The following SNTG1 variants were observed in gnomAD, a reference collection of about 807,000 sequenced individuals.
SNTG1 encodes syntrophin gamma 1.
SNTG1 carries 39 observed loss-of-function variants against 74.7 expected under a neutral mutation model. The observed-to-expected ratio is 0.52, with a 90% CI of 0.40 to 0.68. SNTG1 has a LOEUF of 0.68. Ranked by LOEUF, SNTG1 falls within the 30% of genes least tolerant of loss-of-function variation. The pLI is 0.00. For synonymous variants in SNTG1, 254 were observed against 217.1 expected (o/e 1.17, Z -1.49); for missense variants, 685 against 609.5 (o/e 1.12, Z -1.30).
chr8:50,111,563 G>A (rs1056849375), intron 1 of SNTG1, among the ~76,000 whole-genome samples: 2 of 152,086 alleles, frequency 1.3e-5, no homozygotes, highest in African/African-American at 4.8e-5. Flanking sequence ...CCAGAAATAT[G>A]AGAAAATAAG....
At chr8:50,484,841 A>C (rs545711778) in intron 8 of SNTG1, among the ~76,000 whole-genome samples, 8 of 151,854 alleles carry the variant, frequency 5.3e-5, no homozygotes, top group African/African-American at 1.9e-4. Flanking sequence ...CCTGGGCAAC[A>C]AGAGAGAGAC....
Position 50,074,889 on chromosome 8 carries a change from C to T in SNTG1, c.-102-97672C>T, listed in dbSNP as rs6991342. 1.9e-3 allele frequency among the ~76,000 whole-genome samples: 293 copies of T among 152,264 alleles called. 3 individuals are homozygous for T. The highest frequency in any genetic ancestry group is 6.7e-3 in the African/African-American group (279 of 41,580). On this transcript the variant is annotated intron_variant, in intron 1 of 18. Coordinates refer to ENST00000642720, the MANE Select transcript of SNTG1 (RefSeq NM_018967.5). The stretch of plus-strand genomic sequence containing the variant: ...GGTACCTGAGGGAACCGGGGCTGTG[C>T]CCCGGCCGCACTCGCGGCGCACGCG...
chr8:49,945,378 C>A (rs747596494), intron 1 of SNTG1, among the ~76,000 whole-genome samples: 1 of 152,118 alleles, frequency 6.6e-6, no homozygotes, highest in Non-Finnish European at 1.5e-5. Context: ...GATACAAATG[C>A]TTTATTTTTA....
intron 12 of SNTG1, 113 bp from the exon 13 acceptor site, chr8:50,590,766 A>T: frequency 1.7e-6 from 1 of 584,458 alleles, no homozygotes. Context: ...CAGCATATCA[A>T]AATAGGATAT....
At chr8:50,225,898 T>C (rs2085304088) in intron 2 of SNTG1, among the ~76,000 whole-genome samples, 1 of 152,206 alleles carries the variant, frequency 6.6e-6, no homozygotes, top group Non-Finnish European at 1.5e-5. Flanking sequence ...ATTGGCATAG[T>C]ATTTGCAACA....
At chr8:50,250,346 A>G (rs1249436694) in intron 2 of SNTG1, among the ~76,000 whole-genome samples, 1 of 152,120 alleles carries the variant, frequency 6.6e-6, no homozygotes, top group Non-Finnish European at 1.5e-5. Context: ...TAAGCAAACA[A>G]GTATTCACAT....
At chr8:50,151,187 G>A (rs1040929008) in intron 1 of SNTG1, among the ~76,000 whole-genome samples, 2 of 152,116 alleles carry the variant, frequency 1.3e-5, no homozygotes, top group Non-Finnish European at 2.9e-5. Context: ...AGATTTTCTA[G>A]TTTATTTGTG....
At chr8:50,261,691 A>G (rs1451829573) in intron 2 of SNTG1, among the ~76,000 whole-genome samples, 1 of 152,166 alleles carries the variant, frequency 6.6e-6, no homozygotes, top group Admixed American at 6.5e-5. Context: ...AAAGCAGTAC[A>G]TTATAATTTG....
At chr8:50,613,167 A>G (rs1192548968) in intron 13 of SNTG1, among the ~76,000 whole-genome samples, 2 of 152,208 alleles carry the variant, frequency 1.3e-5, no homozygotes, top group Non-Finnish European at 2.9e-5. Flanking sequence ...GCTAGAGTGC[A>G]ATTCAAATCA....
At position 50,514,820 on chromosome 8, in the gene SNTG1, G is replaced by GGAC. The variant is rs2094117541; in HGVS notation, c.466+11941_466+11943dup. ...GGTTCTATAAATTAGTAGCAGTTGA[G>GGAC]GACTTAAATGTCATACTATTATTGT... On this transcript the variant is annotated intron_variant, in intron 9 of 18. Coordinates refer to ENST00000642720, the MANE Select transcript of SNTG1 (RefSeq NM_018967.5). Among the ~76,000 whole-genome samples, 3 of 152,034 alleles carry GGAC rather than the reference G, an allele frequency of 2.0e-5. No homozygotes were observed. The South Asian group carries it at 6.2e-4, about 32-fold the overall frequency.
intron 13 of SNTG1, among the ~76,000 whole-genome samples, chr8:50,649,264 G>A (rs2095129339): frequency 1.3e-5 from 2 of 152,182 alleles, no homozygotes; most frequent in South Asian, 4.1e-4. Context: ...TGAGGAGTCC[G>A]AGGTGGGTGA....
chr8:50,748,432 C>T (rs1161629554), intron 17 of SNTG1, among the ~76,000 whole-genome samples: 1 of 151,994 alleles, frequency 6.6e-6, no homozygotes, highest in Admixed American at 6.6e-5. Flanking sequence ...TTAAGGATCA[C>T]TGGTGATATG....
chr8:49,936,856 A>G (rs975315187), intron 1 of SNTG1, among the ~76,000 whole-genome samples: 4 of 152,148 alleles, frequency 2.6e-5, no homozygotes, highest in African/African-American at 9.7e-5. Context: ...GAACTTCAAA[A>G]CAGTTATCCT....
chr8:50,495,930 C>G (rs952066100), intron 8 of SNTG1, among the ~76,000 whole-genome samples: 7 of 152,120 alleles, frequency 4.6e-5, no homozygotes, highest in African/African-American at 1.7e-4. Context: ...AAAGCTGTCA[C>G]CCAGTAGTTC....
intron 1 of SNTG1, among the ~76,000 whole-genome samples, chr8:50,045,134 G>T (rs937475263): frequency 2.6e-5 from 4 of 152,152 alleles, no homozygotes; most frequent in African/African-American, 9.7e-5. Flanking sequence ...GAAAACGTGG[G>T]TTGACATCCG....
At chr8:50,707,057 T>C (rs1308044138) in intron 16 of SNTG1, among the ~76,000 whole-genome samples, 2 of 152,000 alleles carry the variant, frequency 1.3e-5, no homozygotes, top group Admixed American at 6.6e-5. Flanking sequence ...ATACGCATGA[T>C]ATGCTATTAA....
At chr8:50,699,172 A>G (rs1424008678) in intron 15 of SNTG1, among the ~76,000 whole-genome samples, 1 of 151,530 alleles carries the variant, frequency 6.6e-6, no homozygotes, top group African/African-American at 2.4e-5. Flanking sequence ...GGTTCTGGGA[A>G]CTTCAATATT....
chr8:50,082,714 T>C lies in SNTG1; in HGVS notation c.-102-89847T>C, dbSNP rs143629366. Among the ~76,000 whole-genome samples the C allele has an allele frequency of 6.6e-5, 10 of 152,274 alleles. No individual in the cohort carries two copies. In the East Asian group the frequency reaches 1.9e-3, roughly 29 times the overall value. ...CTGGCTTTTACCTCCAATAGGCCCTTTCATGCCTCCTCCACACATGCATTT... is the reference window on the plus strand; with the variant it reads ...CTGGCTTTTACCTCCAATAGGCCCTCTCATGCCTCCTCCACACATGCATTT... On this transcript the variant is annotated intron_variant, in intron 1 of 18. Coordinates refer to ENST00000642720, the MANE Select transcript of SNTG1 (RefSeq NM_018967.5).
chr8:50,196,373 G>T (rs2083768820), intron 2 of SNTG1, among the ~76,000 whole-genome samples: 1 of 152,142 alleles, frequency 6.6e-6, no homozygotes, highest in Admixed American at 6.6e-5. Context: ...TGTGAAAACT[G>T]CAATGCACAA....
Sources: allele counts gnomAD v4.1 joint callset (sites outside exome capture counted in the v4.1 genomes callset), GRCh38; gene constraint gnomAD v4.1.1; transcripts MANE v1.5; gene names NCBI Gene and HGNC (gene_info 2026-07-23, HGNC 2026-07-21).